The following RSPH6A variants were observed in gnomAD, a reference collection of about 807,000 sequenced individuals.
RSPH6A encodes radial spoke head 6 homolog A.
Under a neutral mutation model 66.1 loss-of-function variants are expected in RSPH6A, and 49 were observed. The ratio of observed to expected loss-of-function variants is 0.74; its 90% confidence interval spans 0.59 to 0.94. The LOEUF (loss-of-function observed/expected upper bound fraction) is 0.94, where lower values mean the gene tolerates loss of function less well. Ranked by LOEUF, RSPH6A falls within the 40% of genes least tolerant of loss-of-function variation. The pLI is 0.00. For synonymous variants in RSPH6A, 419 were observed against 402.4 expected (o/e 1.04, Z -0.49); for missense variants, 977 against 948.3 (o/e 1.03, Z -0.40).
At chr19:45,798,169 G>A (rs1970428492) in intron 5 of RSPH6A, among the ~76,000 whole-genome samples, 1 of 151,584 alleles carries the variant, frequency 6.6e-6, no homozygotes, top group Non-Finnish European at 1.5e-5. Context: ...GACCAGCCTG[G>A]CCAACATGGT....
intron 5 of RSPH6A, among the ~76,000 whole-genome samples, chr19:45,799,595 C>T (rs527752168): frequency 3.1e-4 from 47 of 151,630 alleles, no homozygotes; most frequent in African/African-American, 1.0e-3. Context: ...TCTCGCTGGT[C>T]TCAAGCTCCT....
intron 2 of RSPH6A, among the ~76,000 whole-genome samples, chr19:45,807,500 C>A (rs1970562013): frequency 1.3e-5 from 2 of 149,698 alleles, no homozygotes; most frequent in Admixed American, 1.3e-4. Context: ...CAAGCGTGAG[C>A]CACTGCGCCC....
At chr19:45,812,551 A>G (rs10421891) in intron 1 of RSPH6A, among the ~76,000 whole-genome samples, 60,183 of 151,976 alleles carry the variant, frequency 0.4, 12,536 homozygotes, top group East Asian at 0.55. Context: ...GCTTCTCAGG[A>G]AGAGAGCCTG....
chr19:45,802,120 C>A lies in RSPH6A; in HGVS notation c.1798G>T (p.Glu600Ter). ...PLLTPLSEDA[E>*]IMHLAPWTTR... ...GTACAGGCTGAGAGGGCTTCCTTAC[C>A]TGCATCTTCTGAAAGTGGCGTTAGC... Residue 600 changes from glutamate to a stop codon, truncating the protein, a stop_gained and splice_region_variant, in exon 4 of 6, where the codon GAA becomes TAA. Coordinates refer to ENST00000221538, the MANE Select transcript of RSPH6A (RefSeq NM_030785.4). LOFTEE classifies it high-confidence loss of function. 6.6e-7 allele frequency: 1 copy of A among 1,525,082 alleles called. No individual in the cohort carries two copies. Among genetic ancestry groups the A allele is most frequent in the Non-Finnish European group, 8.9e-7 (1 of 1,127,374 alleles). The allele number at this position is 1,525,082 out of a possible 1,614,324, so 94.5% of individuals were successfully genotyped here.
In RSPH6A at chr19:45,815,150, C is replaced by T; in HGVS notation, c.27G>A (p.Glu9=). 6.2e-7 allele frequency: 1 copy of T among 1,608,952 alleles called. No homozygotes were observed. The highest frequency in any genetic ancestry group is 8.5e-7 in the Non-Finnish European group (1 of 1,179,488). Residue 9 remains glutamate (E), a synonymous_variant, in exon 1 of 6, where the codon GAG becomes GAA. Transcript: ENST00000221538. The stretch of plus-strand genomic sequence containing the variant: ...GGCCCGGAGGCTGCTGGGCAGGGCG[C>T]TCAGGGTAGGGCGGCAGGTCTCCCA... The part of the protein sequence containing the change: MGDLPPYP[E]RPAQQPPGRR...
intron 4 of RSPH6A, 56 bp downstream of exon 4, chr19:45,802,064 C>T: frequency 1.2e-5 from 16 of 1,341,832 alleles, no homozygotes; most frequent in Non-Finnish European, 1.5e-5. Flanking sequence ...GCCACCCCTC[C>T]CTTTCTTCCC....
At position 45,815,283 on chromosome 19, in the gene RSPH6A, C is replaced by T. The variant is rs1970694647; in HGVS notation, c.-107G>A. ...GTTTCTGAGCACCGAGAGAGGGGGCCGTTACCCGTGGAGGGCGCGGGGAGC... is the reference window on the plus strand; with the variant it reads ...GTTTCTGAGCACCGAGAGAGGGGGCTGTTACCCGTGGAGGGCGCGGGGAGC... On this transcript the variant is annotated 5_prime_UTR_variant, in exon 1 of 6. Coordinates refer to ENST00000221538, the MANE Select transcript of RSPH6A (RefSeq NM_030785.4). 15 of 1,300,770 alleles carry T rather than the reference C, an allele frequency of 1.2e-5. 1 individual carries two copies. In the South Asian group the frequency reaches 1.8e-4, roughly 16 times the overall value. The allele number at this position is 1,300,770 out of a possible 1,614,324, so 80.6% of individuals were successfully genotyped here.
Position 45,814,566 on chromosome 19 carries a change from G to A in RSPH6A, c.611C>T (p.Ala204Val). The stretch of plus-strand genomic sequence containing the variant: ...ATTGATGCTGGTCTGCAGCAGGTAG[G>A]CCTTGGCGTTCTGCACGGCCAGCTC... ...PLELAVQNAKAYLLQTSINCD... is the reference protein window; with the variant it reads ...PLELAVQNAKVYLLQTSINCD... Residue 204 changes from alanine (A) to valine (V), a missense_variant, in exon 1 of 6, where the codon GCC becomes GTC. Physicochemically the swap from Ala to Val is moderately conservative, Grantham distance 64. Coordinates refer to ENST00000221538, the MANE Select transcript of RSPH6A (RefSeq NM_030785.4). 1.3e-6 allele frequency: 2 copies of A among 1,537,234 alleles called. No individual in the cohort carries two copies. The highest frequency in any genetic ancestry group is 1.8e-6 in the Non-Finnish European group (2 of 1,142,368).
In RSPH6A at chr19:45,804,221, G is replaced by C. The variant is rs377082424; in HGVS notation, c.1653+31C>G. On this transcript the variant is annotated intron_variant, in intron 3 of 5. Transcript: ENST00000221538. The surrounding 1 kb of genome is among the most constrained non-coding windows in gnomAD (Gnocchi z 5.8). ...CATGCGTGAGCCCCCTGCTCCTGCC[G>C]TTTGTGAGAGGCGGGAGTCCCGGCG... 3 of 1,567,300 alleles carry C rather than the reference G, an allele frequency of 1.9e-6. No individual in the cohort carries two copies. Among genetic ancestry groups the C allele is most frequent in the South Asian group, 1.2e-5 (1 of 86,676 alleles).
At chr19:45,808,706 G>A (rs1447749551) in intron 2 of RSPH6A, among the ~76,000 whole-genome samples, 1 of 134,924 alleles carries the variant, frequency 7.4e-6, no homozygotes, top group African/African-American at 2.8e-5. Flanking sequence ...ATGTTGCCCA[G>A]GCTGGAGTAC....
At position 45,800,433 on chromosome 19, in the gene RSPH6A, G is replaced by A. The variant is rs375422944; in HGVS notation, c.1916+13C>T. On this transcript the variant is annotated intron_variant, in intron 5 of 5. Transcript: ENST00000221538. ...GAGATTCTCCTGCTGGGAGGGGCTG[G>A]GGGAAGACCTACTTGCCACTGGCAT... 25 of 1,607,456 alleles carry A rather than the reference G, an allele frequency of 1.6e-5. No homozygotes were observed. The highest frequency in any genetic ancestry group is 2.7e-5 in the African/African-American group (2 of 74,782).
chr19:45,806,779 CA>C (rs1347256938), intron 2 of RSPH6A, among the ~76,000 whole-genome samples: 1 of 151,260 alleles, frequency 6.6e-6, no homozygotes, highest in Non-Finnish European at 1.5e-5. Context: ...ACGGGCCACA[CA>C]CCAATGCTCT....
chr19:45,796,685 A>G (rs1382885688), intron 5 of RSPH6A, among the ~76,000 whole-genome samples: 1 of 149,962 alleles, frequency 6.7e-6, no homozygotes, highest in African/African-American at 2.5e-5. Flanking sequence ...GCTAATTTTT[A>G]TATTTTTAGT....
At chr19:45,801,888 G>A (rs28693997) in intron 4 of RSPH6A, among the ~76,000 whole-genome samples, 6,344 of 152,020 alleles carry the variant, frequency 0.042, 463 homozygotes, top group African/African-American at 0.14. Flanking sequence ...TTCCCTCCAG[G>A]CCCAAACTCA....
At chr19:45,796,657 CA>C (rs982687809) in intron 5 of RSPH6A, among the ~76,000 whole-genome samples, 1 of 151,888 alleles carries the variant, frequency 6.6e-6, no homozygotes, top group Non-Finnish European at 1.5e-5. Flanking sequence ...GGACTACAGG[CA>C]CACACCACCT....
intron 2 of RSPH6A, among the ~76,000 whole-genome samples, chr19:45,808,352 T>C (rs921269426): frequency 1.3e-5 from 2 of 150,896 alleles, no homozygotes; most frequent in Non-Finnish European, 3.0e-5. Context: ...GCTTGAACCC[T>C]GGAGGCAGAG....
In RSPH6A at chr19:45,815,117, A is replaced by T; in HGVS notation, c.60T>A (p.Thr20=). 1 of 1,612,396 alleles carries T rather than the reference A, an allele frequency of 6.2e-7. No homozygotes were observed. Among genetic ancestry groups the T allele is most frequent in the Non-Finnish European group, 8.5e-7 (1 of 1,179,966 alleles). The change falls in exon 1 of 6, where the codon ACT becomes ACA. Residue 20 remains threonine (T), a synonymous_variant. Transcript: ENST00000221538. ...TGTGCCGCCTCTGGGAGGCCTGAGA[A>T]GTCCTCCGGCCCGGAGGCTGCTGGG... ...RPAQQPPGRR[T]SQASQRRHSR...
At chr19:45,813,885 G>A (rs1017535203) in intron 1 of RSPH6A, among the ~76,000 whole-genome samples, 8 of 152,278 alleles carry the variant, frequency 5.3e-5, no homozygotes, top group Admixed American at 5.2e-4. Flanking sequence ...GGAGGGCTGG[G>A]CACGGTGGTT....
chr19:45,803,942 G>A (rs983949978), intron 3 of RSPH6A, among the ~76,000 whole-genome samples: 4 of 148,062 alleles, frequency 2.7e-5, no homozygotes, highest in South Asian at 2.1e-4. Flanking sequence ...GCAGTGAGCC[G>A]AGATCGTACC....
Sources: allele counts gnomAD v4.1 joint callset (sites outside exome capture counted in the v4.1 genomes callset), GRCh38; gene constraint gnomAD v4.1.1; non-coding constraint Gnocchi (gnomAD v3.1); transcripts MANE v1.5; gene names NCBI Gene and HGNC (gene_info 2026-07-23, HGNC 2026-07-21).